Variants in STYXL2 observed in about 807,000 individuals in gnomAD.
STYXL2 encodes serine/threonine/tyrosine interacting like 2, also known as serine/threonine/tyrosine-interacting-like protein 2.
In STYXL2, 44 loss-of-function variants were observed where a neutral mutation model predicts 52.4. That is an observed-to-expected ratio of 0.84 (90% CI 0.66 to 1.08). The LOEUF (loss-of-function observed/expected upper bound fraction) is 1.08, where lower values mean the gene tolerates loss of function less well. Among genes scored for constraint, STYXL2 ranks in the 50% least tolerant of loss-of-function variants. The probability of loss-of-function intolerance (pLI) is 0.00; values close to 1 mark genes in which losing one functional copy is unlikely to be tolerated. For missense variants in STYXL2, 1,604 were observed against 1,471.7 expected, an observed-to-expected ratio of 1.09 and a Z score of -1.47; for synonymous variants, 604 against 586.9, an observed-to-expected ratio of 1.03 and a Z score of -0.42.
At chr1:167,097,688 G>GA (rs1553246770) in intron 2 of STYXL2, among the ~76,000 whole-genome samples, 4 of 143,926 alleles carry the variant, frequency 2.8e-5, no homozygotes, top group Non-Finnish European at 4.7e-5. Context: ...GAAACTATAG[G>GA]TTAAAAAAAA....
intron 5 of STYXL2, among the ~76,000 whole-genome samples, chr1:167,121,426 A>G (rs1667855480): frequency 1.3e-5 from 2 of 152,182 alleles, no homozygotes; most frequent in Non-Finnish European, 2.9e-5. Flanking sequence ...CCTGGAGCGC[A>G]CCGGCAGACC....
rs145187556 is a variant in STYXL2 at position 167,128,269 on chromosome 1, A to G, written c.3138A>G (p.Pro1046=). 1.5e-4 allele frequency: 239 copies of G among 1,614,178 alleles called. No individual in the cohort carries two copies. In the African/African-American group the frequency reaches 3.0e-3, roughly 20 times the overall value. The part of the protein sequence containing the change: ...SPEPYFFRRT[P]ESSEREESPE... Reference sequence around the variant, plus strand: ...AGCCCTACTTCTTCCGCCGGACCCCAGAGTCCTCAGAAAGGGAAGAGTCCC... The same window carrying G: ...AGCCCTACTTCTTCCGCCGGACCCCGGAGTCCTCAGAAAGGGAAGAGTCCC... The change falls in exon 6 of 6, where the codon CCA becomes CCG. Residue 1046 remains proline (P), a synonymous_variant. Coordinates refer to ENST00000361200, the MANE Select transcript of STYXL2 (RefSeq NM_001080426.3).
intron 2 of STYXL2, among the ~76,000 whole-genome samples, chr1:167,097,744 A>C (rs116565562): frequency 0.015 from 2,216 of 152,226 alleles, 44 homozygotes; most frequent in African/African-American, 0.05. Context: ...GGTAGATTTA[A>C]GCTCAAATAT....
chr1:167,116,808 C>T (rs565050953), intron 3 of STYXL2, among the ~76,000 whole-genome samples: 1 of 152,158 alleles, frequency 6.6e-6, no homozygotes, highest in South Asian at 2.1e-4. Context: ...CTCTCCACCA[C>T]GCTTGGCTAA....
chr1:167,119,725 G>C (rs1242807339), intron 5 of STYXL2, among the ~76,000 whole-genome samples: 1 of 152,168 alleles, frequency 6.6e-6, no homozygotes, highest in Non-Finnish European at 1.5e-5. Context: ...CTGTTACACT[G>C]TAAGAGGGGA....
rs1667620798 is a variant in STYXL2 at position 167,111,512 on chromosome 1, A to G, written c.111-2198A>G. ...TATATATATATATATATATATATAT[A>G]TACACACACACACACACAAATATAT... On this transcript the variant is annotated intron_variant, in intron 2 of 5. Transcript: ENST00000361200. Among the ~76,000 whole-genome samples the G allele has an allele frequency of 8.3e-5, 4 of 48,114 alleles. No individual in the cohort carries two copies. In the South Asian group the frequency reaches 2.2e-3, roughly 27 times the overall value. 31.6% of individuals were successfully genotyped at this position (48,114 alleles called of 152,430 possible). A position where few individuals can be genotyped will look rare whatever the true frequency, so the allele number is the denominator to read the frequency against.
intron 3 of STYXL2, among the ~76,000 whole-genome samples, chr1:167,115,944 C>G: frequency 6.6e-6 from 1 of 152,114 alleles, no homozygotes; most frequent in East Asian, 1.9e-4. Flanking sequence ...CCATGAGCAA[C>G]AAGCCCTGCT....
chr1:167,122,071 G>A (rs1441185926), intron 5 of STYXL2, among the ~76,000 whole-genome samples: 2 of 152,042 alleles, frequency 1.3e-5, no homozygotes, highest in African/African-American at 2.4e-5. Flanking sequence ...CCTATGAGGG[G>A]GTGTTGTTAT....
chr1:167,101,616 C>T (rs1409747335), intron 2 of STYXL2, among the ~76,000 whole-genome samples: 3 of 152,010 alleles, frequency 2.0e-5, no homozygotes, highest in Non-Finnish European at 4.4e-5. Context: ...CCAGCCTGTC[C>T]AACAGAGTGA....
At chr1:167,108,088 C>T (rs924688174) in intron 2 of STYXL2, among the ~76,000 whole-genome samples, 2 of 152,158 alleles carry the variant, frequency 1.3e-5, no homozygotes, top group Non-Finnish European at 2.9e-5. Flanking sequence ...GGGCCAGAGA[C>T]TACAGGCCCT....
Position 167,114,386 on chromosome 1 carries a change from G to A in STYXL2, c.205+582G>A, listed in dbSNP as rs151135422. Among the ~76,000 whole-genome samples, 15 of 152,218 alleles carry A rather than the reference G, an allele frequency of 9.9e-5. 1 individual carries two copies. The highest frequency in any genetic ancestry group is 3.9e-4 in the East Asian group (2 of 5,182). ...ATCAATTTTAAGGAAATAATCTTTT[G>A]CAATTTCTTTCTTCCCCTTTCTTCT... On this transcript the variant is annotated intron_variant, in intron 3 of 5. Transcript: ENST00000361200.
chr1:167,119,805 TGTGCTAGA>T (rs1168758985), intron 5 of STYXL2, among the ~76,000 whole-genome samples: 5 of 152,116 alleles, frequency 3.3e-5, no homozygotes, highest in Non-Finnish European at 7.4e-5. Context: ...ACTAGAACAA[TGTGCTAGA>T]GTGACTGACT....
At chr1:167,104,218 T>TC (rs1028695342) in intron 2 of STYXL2, among the ~76,000 whole-genome samples, 28 of 152,124 alleles carry the variant, frequency 1.8e-4, no homozygotes, top group African/African-American at 6.0e-4. Context: ...AGTTTTCTCT[T>TC]CTTTCCAACT....
chr1:167,123,392 C>G (rs1382258224), intron 5 of STYXL2, among the ~76,000 whole-genome samples: 1 of 152,172 alleles, frequency 6.6e-6, no homozygotes, highest in Non-Finnish European at 1.5e-5. Flanking sequence ...ATTTGATGCT[C>G]CTATGAAGAA....
Position 167,117,231 on chromosome 1 carries a change from C to G in STYXL2, c.206-97C>G. 4.4e-6 allele frequency: 5 copies of G among 1,126,400 alleles called. No individual in the cohort carries two copies. In the South Asian group the frequency reaches 7.5e-5, roughly 17 times the overall value. 69.8% of individuals were successfully genotyped at this position (1,126,400 alleles called of 1,614,324 possible). A position where few individuals can be genotyped will look rare whatever the true frequency, so the allele number is the denominator to read the frequency against. On this transcript the variant is annotated intron_variant, in intron 3 of 5. Transcript: ENST00000361200. Reference sequence around the variant, plus strand: ...CTGGCATTCAGTCCATGCCCAGAATCCTGGCAGCAAACTGGCCAAGAGCAT... The same window carrying G: ...CTGGCATTCAGTCCATGCCCAGAATGCTGGCAGCAAACTGGCCAAGAGCAT...
intron 5 of STYXL2, among the ~76,000 whole-genome samples, chr1:167,124,950 A>G (rs1300153888): frequency 6.7e-6 from 1 of 150,290 alleles, no homozygotes; most frequent in African/African-American, 2.4e-5. Context: ...AACTCCTAAA[A>G]AAAAAAAAAA....
At chr1:167,107,236 A>G (rs918830691) in intron 2 of STYXL2, among the ~76,000 whole-genome samples, 5 of 152,124 alleles carry the variant, frequency 3.3e-5, no homozygotes, top group African/African-American at 1.2e-4. Context: ...GACCCAAAGA[A>G]GGAAAGCTTC....
Position 167,127,595 on chromosome 1 carries a change from C to T in STYXL2, c.2464C>T (p.Pro822Ser). ...CRSKVRGTSK[P>S]IFSLFADNVD... is the part of the protein sequence containing the mutation. ...AAGCAAAGTGAGGGGGACCAGCAAG[C>T]CCATCTTCAGCCTCTTTGCTGACAA... The change falls in exon 6 of 6, where the codon CCC becomes TCC. Residue 822 changes from proline to serine, a missense_variant. Coordinates refer to ENST00000361200, the MANE Select transcript of STYXL2 (RefSeq NM_001080426.3). 3 of 1,614,174 alleles carry T rather than the reference C, an allele frequency of 1.9e-6. No individual in the cohort carries two copies. Among genetic ancestry groups the T allele is most frequent in the Non-Finnish European group, 2.5e-6 (3 of 1,180,024 alleles).
intron 2 of STYXL2, among the ~76,000 whole-genome samples, chr1:167,103,646 C>T (rs1189495118): frequency 6.6e-6 from 1 of 152,196 alleles, no homozygotes; most frequent in African/African-American, 2.4e-5. Flanking sequence ...GAGTCACTCT[C>T]TGGAAGAAAA....
Sources: allele counts gnomAD v4.1 joint callset (sites outside exome capture counted in the v4.1 genomes callset), GRCh38; gene constraint gnomAD v4.1.1; transcripts MANE v1.5; gene names NCBI Gene and HGNC (gene_info 2026-07-23, HGNC 2026-07-21).